The following EFCAB6 variants were observed in gnomAD, a reference collection of about 807,000 sequenced individuals.
EFCAB6 encodes the protein EF-hand calcium binding domain 6.
A neutral mutation model predicts 169.8 loss-of-function variants in EFCAB6; 156 were observed. The ratio of observed to expected loss-of-function variants is 0.92; its 90% confidence interval spans 0.81 to 1.05. The LOEUF is 1.05. EFCAB6 is among the 50% of genes least tolerant of loss of function. EFCAB6 has a pLI of 0.00. For synonymous variants in EFCAB6, 698 were observed against 676.4 expected, an observed-to-expected ratio of 1.03 and a Z score of -0.50; for missense variants, 1,800 against 1,829.1, an observed-to-expected ratio of 0.98 and a Z score of 0.29.
At chr22:43,675,429 A>G (rs1468369342) in intron 13 of EFCAB6, among the ~76,000 whole-genome samples, 1 of 126,888 alleles carries the variant, frequency 7.9e-6, no homozygotes, top group African/African-American at 2.9e-5. Flanking sequence ...ATATAATATA[A>G]TATAGGATTA....
intron 17 of EFCAB6, among the ~76,000 whole-genome samples, chr22:43,644,317 G>T (rs534561861): frequency 6.6e-6 from 1 of 152,090 alleles, no homozygotes; most frequent in Non-Finnish European, 1.5e-5. Flanking sequence ...ATCCACTGAG[G>T]GGTTCACGAT....
chr22:43,800,941 C>A (rs920627574), intron 2 of EFCAB6, among the ~76,000 whole-genome samples: 1 of 152,072 alleles, frequency 6.6e-6, no homozygotes. Context: ...TAACAGAAAA[C>A]CTTCCAAGAC....
At chr22:43,787,293 A>T (rs184723645) in intron 2 of EFCAB6, among the ~76,000 whole-genome samples, 14,403 of 151,940 alleles carry the variant, frequency 0.095, 754 homozygotes, top group South Asian at 0.21. Context: ...TGCAAATGAC[A>T]TTGTTGTATA....
intron 13 of EFCAB6, among the ~76,000 whole-genome samples, chr22:43,676,074 G>T (rs1171318384): frequency 2.0e-5 from 3 of 151,968 alleles, no homozygotes; most frequent in African/African-American, 4.8e-5. Context: ...AGGGGGAAAG[G>T]CTCATCATAT....
intron 20 of EFCAB6, among the ~76,000 whole-genome samples, chr22:43,624,321 C>A (rs1410440531): frequency 6.6e-6 from 1 of 152,180 alleles, no homozygotes; most frequent in Non-Finnish European, 1.5e-5. Flanking sequence ...TCCTCCACTC[C>A]AGGGTACAGA....
At chr22:43,562,564 T>C (rs1602275247) in intron 26 of EFCAB6, among the ~76,000 whole-genome samples, 3 of 84,432 alleles carry the variant, frequency 3.6e-5, no homozygotes, top group Admixed American at 1.2e-4. Context: ...CAGTCAGAGG[T>C]GGGAGGGAGG....
intron 23 of EFCAB6, among the ~76,000 whole-genome samples, chr22:43,592,349 A>T (rs187744178): frequency 1.3e-5 from 2 of 152,358 alleles, no homozygotes; most frequent in East Asian, 3.9e-4. Context: ...CTACAGGTGT[A>T]CATTGAATTC....
intron 20 of EFCAB6, among the ~76,000 whole-genome samples, chr22:43,617,975 G>C (rs1043393565): frequency 1.3e-5 from 2 of 151,488 alleles, no homozygotes; most frequent in Admixed American, 1.3e-4. Flanking sequence ...GGTGGTGCAC[G>C]CCTATAATCC....
At chr22:43,631,622 C>CAA (rs2054949668) in intron 19 of EFCAB6, among the ~76,000 whole-genome samples, 1 of 152,014 alleles carries the variant, frequency 6.6e-6, no homozygotes. Context: ...CGACAACAGC[C>CAA]AATTACTATG....
chr22:43,804,758 CAAAAA>C (rs57008458), intron 2 of EFCAB6, among the ~76,000 whole-genome samples: 2,425 of 127,060 alleles, frequency 0.019, 27 homozygotes, highest in Middle Eastern at 0.031. Context: ...AGCCCTGCCT[CAAAAA>C]AAAAAAAAAA....
At chr22:43,578,436 G>T (rs1015842516) in intron 25 of EFCAB6, among the ~76,000 whole-genome samples, 2 of 152,110 alleles carry the variant, frequency 1.3e-5, no homozygotes, top group African/African-American at 2.4e-5. Context: ...GGCTCTGGGT[G>T]CCGGCTTCCC....
Position 43,672,237 on chromosome 22 carries a change from G to T in EFCAB6, c.1479+9C>A, listed in dbSNP as rs1569356298. On this transcript the variant is annotated intron_variant, in intron 14 of 31. Transcript: ENST00000262726. ...AGGCATCCACACAAAGAAGGCAAGT[G>T]TTACTTACTGAATCCCAGGCCAGGA... 3.1e-6 allele frequency: 5 copies of T among 1,614,150 alleles called. No individual in the cohort carries two copies. Among genetic ancestry groups the T allele is most frequent in the Non-Finnish European group, 1.7e-6 (2 of 1,180,002 alleles).
intron 2 of EFCAB6, among the ~76,000 whole-genome samples, chr22:43,794,885 AG>A (rs2062443729): frequency 6.6e-6 from 1 of 152,246 alleles, no homozygotes; most frequent in Non-Finnish European, 1.5e-5. Flanking sequence ...TCCAAATGAT[AG>A]GGTATCACAA....
At chr22:43,560,668 A>C (rs142430539) in intron 26 of EFCAB6, among the ~76,000 whole-genome samples, 2 of 152,254 alleles carry the variant, frequency 1.3e-5, no homozygotes, top group East Asian at 3.9e-4. Flanking sequence ...TGCAGGTGGA[A>C]AGAGATTAAA....
chr22:43,600,363 G>T, intron 22 of EFCAB6, 100 bp from the exon 23 acceptor site: 1 of 1,217,484 alleles, frequency 8.2e-7, no homozygotes, highest in Non-Finnish European at 1.2e-6. Context: ...TGAGGAGCTC[G>T]TCTTCCATCC....
chr22:43,728,237 T>C (rs2059808911), intron 8 of EFCAB6, among the ~76,000 whole-genome samples: 1 of 152,202 alleles, frequency 6.6e-6, no homozygotes, highest in South Asian at 2.1e-4. Context: ...GCAAATGACA[T>C]GAATTCATTC....
At chr22:43,559,024 T>C (rs574477865) in intron 26 of EFCAB6, among the ~76,000 whole-genome samples, 4 of 152,226 alleles carry the variant, frequency 2.6e-5, no homozygotes, top group Admixed American at 2.0e-4. Flanking sequence ...TGGGATCTAA[T>C]CAAAGTAAAG....
intron 26 of EFCAB6, among the ~76,000 whole-genome samples, chr22:43,574,682 G>A (rs1446050954): frequency 6.6e-6 from 1 of 151,776 alleles, no homozygotes; most frequent in Non-Finnish European, 1.5e-5. Flanking sequence ...AATAGCAAGG[G>A]TCACTATAAA....
rs114147648 is a variant in EFCAB6, at chr22:43,619,154, T to C, written c.2466-3232A>G. On this transcript the variant is annotated intron_variant, in intron 20 of 31. Transcript: ENST00000262726. The stretch of plus-strand genomic sequence containing the variant: ...GGTGTGGAACTGACCCCAAGCAGCA[T>C]AGCAACCAGCTTTGAGAACATGATT... Among the ~76,000 whole-genome samples, 792 of 152,268 alleles carry C rather than the reference T, an allele frequency of 5.2e-3. 11 individuals are homozygous for C. Among genetic ancestry groups the C allele is most frequent in the African/African-American group, 0.018 (748 of 41,558 alleles).
Sources: gnomAD v4.1 joint callset for allele counts (sites outside exome capture counted in the v4.1 genomes callset) on GRCh38, gnomAD v4.1.1 for gene constraint, MANE v1.5 for transcripts, NCBI Gene and HGNC (gene_info 2026-07-23, HGNC 2026-07-21) for gene names.